Variants in MDGA2 observed in about 807,000 individuals in gnomAD.
The protein encoded by MDGA2 is MAM domain containing glycosylphosphatidylinositol anchor 2.
In MDGA2, 40 loss-of-function variants were observed where a neutral mutation model predicts 117.8. The ratio of observed to expected loss-of-function variants is 0.34; its 90% CI spans 0.26 to 0.44. MDGA2 has a LOEUF of 0.44. Among genes scored for constraint, MDGA2 ranks in the 20% least tolerant of loss-of-function variants. The pLI is 1.00. For missense variants in MDGA2, 1,123 were observed against 1,250.6 expected, an observed-to-expected ratio of 0.90 and a Z score of 1.54; for synonymous variants, 452 against 439.0, an observed-to-expected ratio of 1.03 and a Z score of -0.37.
intron 6 of MDGA2, among the ~76,000 whole-genome samples, chr14:47,071,811 A>G (rs1269418504): frequency 6.6e-6 from 1 of 152,132 alleles, no homozygotes; most frequent in Non-Finnish European, 1.5e-5. Flanking sequence ...AATCAAATGT[A>G]TTTTCTGCAC....
chr14:47,377,844 C>T (rs954845910), intron 1 of MDGA2, among the ~76,000 whole-genome samples: 3 of 152,186 alleles, frequency 2.0e-5, no homozygotes, highest in African/African-American at 7.2e-5. Context: ...CCCTGTCTTA[C>T]AGCTGTGAAG....
chr14:46,902,657 A>T (rs1217545976), intron 10 of MDGA2, among the ~76,000 whole-genome samples: 2 of 152,196 alleles, frequency 1.3e-5, no homozygotes, highest in African/African-American at 4.8e-5. Flanking sequence ...GACTACAGTG[A>T]GTTCCTTCCC....
At chr14:47,340,636 G>C (rs1005107479) in intron 1 of MDGA2, among the ~76,000 whole-genome samples, 8 of 152,066 alleles carry the variant, frequency 5.3e-5, no homozygotes, top group African/African-American at 1.9e-4. Context: ...ACCTCTTAGG[G>C]TTTGTGAATG....
At chr14:47,415,445 A>G (rs1892455320) in intron 1 of MDGA2, among the ~76,000 whole-genome samples, 1 of 152,108 alleles carries the variant, frequency 6.6e-6, no homozygotes, top group African/African-American at 2.4e-5. Context: ...AGTAGGATAA[A>G]ATATTTAGAG....
At chr14:47,533,011 A>T (rs1031398383) in intron 1 of MDGA2, among the ~76,000 whole-genome samples, 1 of 152,156 alleles carries the variant, frequency 6.6e-6, no homozygotes, top group Non-Finnish European at 1.5e-5. Flanking sequence ...CCCATATTAC[A>T]GCTCCGTTGA....
At chr14:46,883,834 T>G (rs745946913) in intron 10 of MDGA2, among the ~76,000 whole-genome samples, 1 of 152,108 alleles carries the variant, frequency 6.6e-6, no homozygotes, top group African/African-American at 2.4e-5. Context: ...TTGTGACAGA[T>G]TTTTTTATTC....
intron 1 of MDGA2, among the ~76,000 whole-genome samples, chr14:47,312,691 T>C (rs1566733742): frequency 1.1e-5 from 1 of 91,572 alleles, no homozygotes; most frequent in African/African-American, 4.1e-5. Context: ...TTTTTTTGTT[T>C]TGTTTTGTTT....
At chr14:47,382,453 C>T (rs904108779) in intron 1 of MDGA2, among the ~76,000 whole-genome samples, 1 of 152,140 alleles carries the variant, frequency 6.6e-6, no homozygotes. Context: ...ACAATCTACC[C>T]ATCTGACAAA....
At chr14:46,947,757 G>C (rs1885224660) in intron 9 of MDGA2, among the ~76,000 whole-genome samples, 1 of 151,540 alleles carries the variant, frequency 6.6e-6, no homozygotes. Flanking sequence ...CTTTTCTTTT[G>C]TAAATTTCTT....
chr14:47,013,065 C>T (rs1329794735), intron 8 of MDGA2, among the ~76,000 whole-genome samples: 1 of 152,078 alleles, frequency 6.6e-6, no homozygotes, highest in Non-Finnish European at 1.5e-5. Flanking sequence ...CCACCACCGG[C>T]CTGTGGCGAT....
intron 3 of MDGA2, among the ~76,000 whole-genome samples, chr14:47,177,447 G>C (rs868790567): frequency 6.6e-6 from 1 of 152,066 alleles, no homozygotes; most frequent in Non-Finnish European, 1.5e-5. Context: ...GTGGCACATA[G>C]ACACCATGGA....
intron 8 of MDGA2, among the ~76,000 whole-genome samples, chr14:47,007,349 T>C (rs1887747711): frequency 6.6e-6 from 1 of 151,828 alleles, no homozygotes; most frequent in Non-Finnish European, 1.5e-5. Flanking sequence ...ACTTAATGAA[T>C]TGAAGTTTGA....
chr14:47,337,267 T>C (rs911429274), intron 1 of MDGA2, among the ~76,000 whole-genome samples: 1 of 152,078 alleles, frequency 6.6e-6, no homozygotes, highest in Non-Finnish European at 1.5e-5. Context: ...ATTCTATATG[T>C]TCAAAATTGT....
intron 1 of MDGA2, among the ~76,000 whole-genome samples, chr14:47,613,659 C>G (rs1177174863): frequency 6.6e-6 from 1 of 152,094 alleles, no homozygotes; most frequent in Non-Finnish European, 1.5e-5. Flanking sequence ...TCTGCACATA[C>G]ATTTATATAT....
At chr14:47,616,391 T>C (rs889238498) in intron 1 of MDGA2, among the ~76,000 whole-genome samples, 1 of 152,246 alleles carries the variant, frequency 6.6e-6, no homozygotes, top group African/African-American at 2.4e-5. Context: ...TTCTAGGTAT[T>C]GGGTTAAAAT....
rs571091637 is a variant in MDGA2, at chr14:47,612,703, G to T, written c.280+61814C>A. The stretch of plus-strand genomic sequence containing the variant: ...ACTCTTTAAAAGCTATCTATACTTT[G>T]TTTTTTTCCCACAAGAGGTGCTAAA... On this transcript the variant is annotated intron_variant, in intron 1 of 16. Coordinates refer to ENST00000399232, the MANE Select transcript of MDGA2 (RefSeq NM_001113498.3). Among the ~76,000 whole-genome samples, 24 of 152,066 alleles carry T rather than the reference G, an allele frequency of 1.6e-4. No individual in the cohort carries two copies. In the South Asian group the frequency reaches 5.0e-3, roughly 32 times the overall value.
intron 1 of MDGA2, among the ~76,000 whole-genome samples, chr14:47,657,766 C>G (rs1291185626): frequency 6.6e-6 from 1 of 152,170 alleles, no homozygotes; most frequent in Non-Finnish European, 1.5e-5. Flanking sequence ...ATGGAATTTA[C>G]TGGTTCTATC....
At chr14:47,315,330 C>G (rs147683784) in intron 1 of MDGA2, among the ~76,000 whole-genome samples, 4 of 152,058 alleles carry the variant, frequency 2.6e-5, no homozygotes, top group Admixed American at 6.6e-5. Flanking sequence ...TTGTTTCTGG[C>G]CTTCAGAAAG....
At chr14:46,939,154 G>T (rs908680593) in intron 9 of MDGA2, among the ~76,000 whole-genome samples, 2 of 151,968 alleles carry the variant, frequency 1.3e-5, no homozygotes, top group Non-Finnish European at 2.9e-5. Context: ...ATTTTTGAGA[G>T]AATACAAAAT....
Sources: allele counts gnomAD v4.1 joint callset (sites outside exome capture counted in the v4.1 genomes callset), GRCh38; gene constraint gnomAD v4.1.1; transcripts MANE v1.5; gene names NCBI Gene and HGNC (gene_info 2026-07-23, HGNC 2026-07-21).